Variants in MLLT1 observed in about 807,000 individuals in gnomAD.
MLLT1 encodes the protein MLLT1 super elongation complex subunit.
A neutral mutation model predicts 55.1 loss-of-function variants in MLLT1; 11 were observed. The observed-to-expected ratio is 0.20, with a 90% CI of 0.13 to 0.33. The LOEUF (loss-of-function observed/expected upper bound fraction) is 0.33. MLLT1 is among the 10% of genes least tolerant of loss of function. The pLI, the probability that MLLT1 is intolerant of heterozygous loss-of-function variation, is 1.00. For missense variants in MLLT1, 536 were observed against 760.6 expected (o/e 0.70, Z 3.47); for synonymous variants, 323 against 320.1 (o/e 1.01, Z -0.10).
intron 3 of MLLT1, chr19:6,259,609 C>T (rs368689375): frequency 2.6e-5 from 4 of 152,048 alleles, no homozygotes; most frequent in African/African-American, 9.7e-5. Context: ...GGTGTAGGAC[C>T]CTCTACAACC....
Position 6,212,560 on chromosome 19 carries a change from C to T in MLLT1, c.*482G>A, listed in dbSNP as rs1334995992. 2 of 1,087,356 alleles carry T rather than the reference C, an allele frequency of 1.8e-6. No individual in the cohort carries two copies. Among genetic ancestry groups the T allele is most frequent in the South Asian group, 4.2e-5 (1 of 23,596 alleles). 67.4% of individuals were successfully genotyped at this position (1,087,356 alleles called of 1,614,324 possible). A position where few individuals can be genotyped will look rare whatever the true frequency, so the allele number is the denominator to read the frequency against. ...CGGGGAGGAGCCGGCGCTAGGTCTA[C>T]ACGGAGGACGACGCAGACACACAGG... is the stretch of plus-strand genomic sequence containing the variant. On this transcript the variant is annotated 3_prime_UTR_variant, in exon 12 of 12. Transcript: ENST00000252674.
chr19:6,213,475 C>T, intron 10 of MLLT1, 67 bp from the exon 11 acceptor site: 1 of 1,342,682 alleles, frequency 7.4e-7, no homozygotes, highest in Non-Finnish European at 1.1e-6. Context: ...CCATGCCCAG[C>T]CCCACCCATG....
Position 6,270,821 on chromosome 19 carries a change from C to G in MLLT1, c.13-62G>C, listed in dbSNP as rs1464757296. On this transcript the variant is annotated intron_variant, in intron 1 of 11. Transcript: ENST00000252674. The surrounding 1 kb of genome is among the most constrained non-coding windows in gnomAD (Gnocchi z 7.1). Reference sequence around the variant, plus strand: ...ACGCCTCCAAGCAGGGGACTGTCCCCTTACCCACAGAGAACTTTCGATAAA... The same window carrying G: ...ACGCCTCCAAGCAGGGGACTGTCCCGTTACCCACAGAGAACTTTCGATAAA... 1 of 1,493,012 alleles carries G rather than the reference C, an allele frequency of 6.7e-7. No individual in the cohort carries two copies. Among genetic ancestry groups the G allele is most frequent in the East Asian group, 2.3e-5 (1 of 43,108 alleles). 92.5% of individuals were successfully genotyped at this position (1,493,012 alleles called of 1,614,324 possible).
At chr19:6,215,474 C>A (rs2090832592) in intron 8 of MLLT1, among the ~76,000 whole-genome samples, 1 of 152,214 alleles carries the variant, frequency 6.6e-6, no homozygotes, top group East Asian at 1.9e-4. Flanking sequence ...AGCGGCTCCC[C>A]CGCAGTGAGC....
intron 3 of MLLT1, among the ~76,000 whole-genome samples, chr19:6,258,663 C>G (rs1398944688): frequency 6.6e-6 from 1 of 152,222 alleles, no homozygotes; most frequent in Non-Finnish European, 1.5e-5. Flanking sequence ...CTTCATTATA[C>G]AGGCGATGCC....
intron 3 of MLLT1, among the ~76,000 whole-genome samples, chr19:6,236,686 C>G (rs2091064319): frequency 6.6e-6 from 1 of 152,192 alleles, no homozygotes; most frequent in Non-Finnish European, 1.5e-5. Context: ...AGACCTGGGC[C>G]TACAAAGCTT....
At chr19:6,253,259 C>A (rs1368654831) in intron 3 of MLLT1, among the ~76,000 whole-genome samples, 2 of 96,938 alleles carry the variant, frequency 2.1e-5, no homozygotes, top group African/African-American at 4.2e-5. Context: ...AGCGAGACCC[C>A]ATCTCAAAAA....
chr19:6,269,305 G>A (rs1167239068), intron 2 of MLLT1, among the ~76,000 whole-genome samples: 2 of 152,248 alleles, frequency 1.3e-5, no homozygotes, highest in Non-Finnish European at 2.9e-5. Flanking sequence ...GGGCTGTGGC[G>A]AGAAGAAAAC....
At chr19:6,260,810 C>G (rs141233616) in intron 3 of MLLT1, among the ~76,000 whole-genome samples, 1 of 152,236 alleles carries the variant, frequency 6.6e-6, no homozygotes, top group South Asian at 2.1e-4. Flanking sequence ...TGCACCACTG[C>G]GCTCCAGCCT....
chr19:6,218,187 C>T (rs1013602379), intron 6 of MLLT1, 146 bp from the exon 7 acceptor site: 22 of 1,265,454 alleles, frequency 1.7e-5, no homozygotes, highest in South Asian at 3.2e-5. Context: ...CCACGTGTGC[C>T]GCTGAGAACC....
At chr19:6,266,895 T>C (rs1600216879) in intron 2 of MLLT1, among the ~76,000 whole-genome samples, 1 of 151,766 alleles carries the variant, frequency 6.6e-6, no homozygotes, top group Non-Finnish European at 1.5e-5. Flanking sequence ...GCTAAAGGGG[T>C]GGCTGGATAA....
At chr19:6,250,729 T>G (rs903518158) in intron 3 of MLLT1, among the ~76,000 whole-genome samples, 1 of 152,122 alleles carries the variant, frequency 6.6e-6, no homozygotes, top group Non-Finnish European at 1.5e-5. Context: ...AGCCCATGGA[T>G]ATGGAGGGCC....
intron 1 of MLLT1, among the ~76,000 whole-genome samples, chr19:6,274,796 C>T (rs1319471248): frequency 1.3e-5 from 2 of 152,192 alleles, no homozygotes; most frequent in Non-Finnish European, 2.9e-5. Context: ...ATCTGAAAGA[C>T]AGCGGACGGA....
Position 6,212,915 on chromosome 19 carries a change from T to C in MLLT1, c.*127A>G. The C allele has an allele frequency of 8.1e-7, 1 of 1,236,840 alleles. No individual in the cohort carries two copies. The highest frequency in any genetic ancestry group is 1.1e-6 in the Non-Finnish European group (1 of 899,644). The allele number at this position is 1,236,840 out of a possible 1,614,324, so 76.6% of individuals were successfully genotyped here. A position where few individuals can be genotyped will look rare whatever the true frequency, so the allele number is the denominator to read the frequency against. Reference sequence around the variant, plus strand: ...CCGCCGAGGAAAGTGCAGCGGGCTGTGCGGGCGAGGACAGGGCTGTCGCTA... The same window carrying C: ...CCGCCGAGGAAAGTGCAGCGGGCTGCGCGGGCGAGGACAGGGCTGTCGCTA... On this transcript the variant is annotated 3_prime_UTR_variant, in exon 12 of 12. Coordinates refer to ENST00000252674, the MANE Select transcript of MLLT1 (RefSeq NM_005934.4).
At chr19:6,271,744 G>C (rs944811064) in intron 1 of MLLT1, among the ~76,000 whole-genome samples, 5 of 152,242 alleles carry the variant, frequency 3.3e-5, no homozygotes, top group Non-Finnish European at 7.3e-5. Flanking sequence ...CAGCAGCCAA[G>C]CGCACACTTG....
chr19:6,237,956 A>G (rs868477564), intron 3 of MLLT1, among the ~76,000 whole-genome samples: 1 of 151,966 alleles, frequency 6.6e-6, no homozygotes, highest in South Asian at 2.1e-4. Flanking sequence ...AATTTTTTTT[A>G]ATTAGCTGAG....
At chr19:6,274,168 G>C (rs1424443038) in intron 1 of MLLT1, among the ~76,000 whole-genome samples, 1 of 152,228 alleles carries the variant, frequency 6.6e-6, no homozygotes, top group South Asian at 2.1e-4. Flanking sequence ...GCACCCAGGG[G>C]ACTGTGGAGC....
At chr19:6,243,519 C>A (rs553549229) in intron 3 of MLLT1, among the ~76,000 whole-genome samples, 1 of 152,202 alleles carries the variant, frequency 6.6e-6, no homozygotes, top group Non-Finnish European at 1.5e-5. Flanking sequence ...TCTGAAGCCA[C>A]GGCCACAGAG....
intron 8 of MLLT1, among the ~76,000 whole-genome samples, chr19:6,214,267 C>T (rs778813595): frequency 7.9e-5 from 12 of 152,328 alleles, no homozygotes; most frequent in East Asian, 3.9e-4. Context: ...GGGGGCCGCC[C>T]GAGCAGGCCA....
Sources: allele counts gnomAD v4.1 joint callset (sites outside exome capture counted in the v4.1 genomes callset), GRCh38; gene constraint gnomAD v4.1.1; non-coding constraint Gnocchi (gnomAD v3.1); transcripts MANE v1.5; gene names NCBI Gene and HGNC (gene_info 2026-07-23, HGNC 2026-07-21).